The following ANKS6 variants were observed in gnomAD, a reference collection of about 807,000 sequenced individuals.
ANKS6 encodes the protein ankyrin repeat and sterile alpha motif domain containing 6.
ANKS6 carries 47 observed loss-of-function variants against 77.9 expected under a neutral mutation model. That is an observed-to-expected ratio of 0.60 (90% CI 0.48 to 0.77). ANKS6 has a LOEUF of 0.77. ANKS6 is among the 30% of genes least tolerant of loss of function. The pLI is 0.00. For synonymous variants in ANKS6, 488 were observed against 501.7 expected, an observed-to-expected ratio of 0.97 and a Z score of 0.37; for missense variants, 1,150 against 1,159.1, an observed-to-expected ratio of 0.99 and a Z score of 0.11.
chr9:98,779,251 A>C (rs1022182486), intron 6 of ANKS6, among the ~76,000 whole-genome samples: 1 of 152,194 alleles, frequency 6.6e-6, no homozygotes, highest in African/African-American at 2.4e-5. Context: ...GAAGATGAGA[A>C]ATCCAAAGAG....
intron 13 of ANKS6, among the ~76,000 whole-genome samples, chr9:98,750,814 C>G (rs1588338481): frequency 6.6e-6 from 1 of 152,108 alleles, no homozygotes; most frequent in Non-Finnish European, 1.5e-5. Flanking sequence ...GAGCAGTGCT[C>G]AAAATTACAA....
At position 98,733,298 on chromosome 9, in the gene ANKS6, A is replaced by G; in HGVS notation, c.*3221T>C. ...AGAGAGGCAGGAGCCCTCCGTGGCC[A>G]GCAGGGACTTGGACATCCAGCACTC... On this transcript the variant is annotated 3_prime_UTR_variant, in exon 15 of 15. Coordinates refer to ENST00000353234, the MANE Select transcript of ANKS6 (RefSeq NM_173551.5). 3 of 985,536 alleles carry G rather than the reference A, an allele frequency of 3.0e-6. No homozygotes were observed. Among genetic ancestry groups the G allele is most frequent in the Non-Finnish European group, 3.6e-6 (3 of 830,000 alleles). 61.0% of individuals were successfully genotyped at this position (985,536 alleles called of 1,614,324 possible).
At chr9:98,769,643 C>T (rs528085302) in intron 10 of ANKS6, among the ~76,000 whole-genome samples, 39 of 152,298 alleles carry the variant, frequency 2.6e-4, no homozygotes, top group African/African-American at 8.9e-4. Context: ...TAGAAAGGCA[C>T]GTGGTTCCAA....
At chr9:98,741,134 A>C (rs1302417641) in intron 14 of ANKS6, among the ~76,000 whole-genome samples, 1 of 152,254 alleles carries the variant, frequency 6.6e-6, no homozygotes, top group Non-Finnish European at 1.5e-5. Context: ...ACAAAGTTTG[A>C]AAATCTACAT....
At chr9:98,770,790 C>CACTTCTG in intron 10 of ANKS6, 106 bp downstream of exon 10, 1 of 1,160,456 alleles carries the variant, frequency 8.6e-7, no homozygotes, top group Non-Finnish European at 1.1e-6. Flanking sequence ...GTGCCTCTTG[C>CACTTCTG]GTGGTCATTT....
chr9:98,780,064 C>A, intron 6 of ANKS6, 125 bp downstream of exon 6: 1 of 1,341,442 alleles, frequency 7.5e-7, no homozygotes, highest in Non-Finnish European at 1.0e-6. Flanking sequence ...TCAATGCCAG[C>A]TCACCTGCCA....
intron 6 of ANKS6, among the ~76,000 whole-genome samples, chr9:98,778,839 C>T (rs758358200): frequency 3.3e-5 from 5 of 152,226 alleles, no homozygotes; most frequent in Non-Finnish European, 5.9e-5. Context: ...CCTCCTCCTG[C>T]TCTGGTGATA....
rs998120407 is a variant in ANKS6 at position 98,734,188 on chromosome 9, T to C, written c.*2331A>G. On this transcript the variant is annotated 3_prime_UTR_variant, in exon 15 of 15. Transcript: ENST00000353234. ...GAACCAGCACACAAACTTCCTAGGA[T>C]GAAAAGCCTTGGACACTTGAGTCCA... is the stretch of plus-strand genomic sequence containing the variant. The C allele has an allele frequency of 1.0e-6, 1 of 985,278 alleles. No homozygotes were observed. 61.0% of individuals were successfully genotyped at this position (985,278 alleles called of 1,614,324 possible). A position where few individuals can be genotyped will look rare whatever the true frequency, so the allele number is the denominator to read the frequency against.
intron 11 of ANKS6, among the ~76,000 whole-genome samples, chr9:98,757,045 TC>T (rs1462418179): frequency 6.6e-6 from 1 of 152,202 alleles, no homozygotes; most frequent in Admixed American, 6.5e-5. Flanking sequence ...CACGTATTCT[TC>T]CCTTTTTCTC....
rs1247351970 is a variant in ANKS6 at position 98,778,422 on chromosome 9, G to C, written c.1371C>G (p.Ser457=). ...VLPDDKGGLK[S]WWNRMSNRFR... is the part of the protein sequence containing the mutation. The stretch of plus-strand genomic sequence containing the variant: ...ACCGATTGGACATTCGGTTCCACCA[G>C]GACTGCCAAAGGAACGCAGAGCAGA... Residue 457 remains serine (S), a splice_region_variant and synonymous_variant, in exon 7 of 15, where the codon TCC becomes TCG. Transcript: ENST00000353234. The C allele has an allele frequency of 6.2e-7, 1 of 1,613,796 alleles. No individual in the cohort carries two copies. The highest frequency in any genetic ancestry group is 8.5e-7 in the Non-Finnish European group (1 of 1,179,942).
Position 98,736,692 on chromosome 9 carries a change from C to T in ANKS6, c.2512-69G>A, listed in dbSNP as rs964655042. 4 of 1,515,036 alleles carry T rather than the reference C, an allele frequency of 2.6e-6. No individual in the cohort carries two copies. The African/African-American group carries it at 4.1e-5, about 16-fold the overall frequency. 93.8% of individuals were successfully genotyped at this position (1,515,036 alleles called of 1,614,324 possible). On this transcript the variant is annotated intron_variant, in intron 14 of 14. Coordinates refer to ENST00000353234, the MANE Select transcript of ANKS6 (RefSeq NM_173551.5). Reference sequence around the variant, plus strand: ...CTTTTAACCATTAATTCAATTGACACAGTGTTGTTAATGTTCAACTCATAC... The same window carrying T: ...CTTTTAACCATTAATTCAATTGACATAGTGTTGTTAATGTTCAACTCATAC...
At chr9:98,754,680 C>T (rs563493141) in intron 12 of ANKS6, among the ~76,000 whole-genome samples, 1 of 151,962 alleles carries the variant, frequency 6.6e-6, no homozygotes, top group African/African-American at 2.4e-5. Flanking sequence ...TTGCAGCCCC[C>T]GGCCTATAAC....
chr9:98,750,150 A>C (rs1267030923), intron 13 of ANKS6, among the ~76,000 whole-genome samples: 1 of 152,188 alleles, frequency 6.6e-6, no homozygotes, highest in East Asian at 1.9e-4. Context: ...TATCCATTCT[A>C]GTCACTCCCT....
chr9:98,735,014 G>T lies in ANKS6; in HGVS notation c.*1505C>A, dbSNP rs546594512. On this transcript the variant is annotated 3_prime_UTR_variant, in exon 15 of 15. Transcript: ENST00000353234. ...ACAGCCTCTGAAAGCCAGCATAGGG[G>T]AATGGGCTTTCATGGCTGGGGGAGG... 2.0e-5 allele frequency: 20 copies of T among 985,464 alleles called. No homozygotes were observed. In the South Asian group the frequency reaches 8.0e-4, roughly 39 times the overall value. The allele number at this position is 985,464 out of a possible 1,614,324, so 61.0% of individuals were successfully genotyped here. A position where few individuals can be genotyped will look rare whatever the true frequency, so the allele number is the denominator to read the frequency against.
chr9:98,738,588 A>C (rs1056329430), intron 14 of ANKS6, among the ~76,000 whole-genome samples: 12 of 152,074 alleles, frequency 7.9e-5, no homozygotes, highest in African/African-American at 2.2e-4. Flanking sequence ...AAATAAAAAA[A>C]AAAACAGTAG....
intron 11 of ANKS6, among the ~76,000 whole-genome samples, chr9:98,765,341 G>C (rs957762960): frequency 1.3e-5 from 2 of 152,190 alleles, no homozygotes; most frequent in Non-Finnish European, 2.9e-5. Flanking sequence ...TTGAGTGGTA[G>C]GCTGATTGTG....
At chr9:98,745,821 T>A (rs1168577265) in intron 13 of ANKS6, 146 bp from the exon 14 acceptor site, 4 of 643,642 alleles carry the variant, frequency 6.2e-6, no homozygotes, top group Non-Finnish European at 8.2e-6. Flanking sequence ...TGACTTTATG[T>A]TTAGAGTTTC....
At chr9:98,772,635 G>A (rs1384960138) in intron 9 of ANKS6, among the ~76,000 whole-genome samples, 4 of 152,142 alleles carry the variant, frequency 2.6e-5, no homozygotes, top group Admixed American at 2.6e-4. Context: ...ACAGTGACAC[G>A]ATCCCCAGGG....
intron 1 of ANKS6, among the ~76,000 whole-genome samples, chr9:98,793,733 C>T (rs1835028564): frequency 6.6e-6 from 1 of 151,368 alleles, no homozygotes; most frequent in African/African-American, 2.4e-5. Context: ...CAGGGTTTCA[C>T]TATGTTGGCC....
Sources: gnomAD v4.1 joint callset for allele counts (sites outside exome capture counted in the v4.1 genomes callset) on GRCh38, gnomAD v4.1.1 for gene constraint, MANE v1.5 for transcripts, NCBI Gene and HGNC (gene_info 2026-07-23, HGNC 2026-07-21) for gene names.